SRBD1: variants seen among roughly 807,000 people sequenced by gnomAD.
SRBD1 encodes the protein S1 RNA-binding domain-containing protein 1.
Under a neutral mutation model 115.3 loss-of-function variants are expected in SRBD1, and 88 were observed. That is an observed-to-expected ratio of 0.76 (90% CI 0.64 to 0.91). The LOEUF (loss-of-function observed/expected upper bound fraction) is 0.91, where lower values mean the gene tolerates loss of function less well. Among genes scored for constraint, SRBD1 ranks in the 40% least tolerant of loss-of-function variants. The probability of loss-of-function intolerance (pLI) is 0.00; values close to 1 mark genes in which losing one functional copy is unlikely to be tolerated. For missense variants in SRBD1, 1,385 were observed against 1,177.4 expected, an observed-to-expected ratio of 1.18 and a Z score of -2.58; for synonymous variants, 509 against 407.7, an observed-to-expected ratio of 1.25 and a Z score of -2.99.
At chr2:45,442,375 A>G (rs907754018) in intron 16 of SRBD1, among the ~76,000 whole-genome samples, 1 of 152,206 alleles carries the variant, frequency 6.6e-6, no homozygotes, top group East Asian at 1.9e-4. Flanking sequence ...TTTAGACATA[A>G]TCTTTTCTTT....
intron 18 of SRBD1, among the ~76,000 whole-genome samples, chr2:45,417,801 T>C (rs557911236): frequency 6.6e-6 from 1 of 152,314 alleles, no homozygotes; most frequent in African/African-American, 2.4e-5. Context: ...GCTATGTCAG[T>C]ATAAAGTGGT....
intron 15 of SRBD1, among the ~76,000 whole-genome samples, chr2:45,478,875 C>T (rs1669879610): frequency 6.6e-6 from 1 of 152,200 alleles, no homozygotes; most frequent in Non-Finnish European, 1.5e-5. Context: ...TCAGACACCA[C>T]ATTTCTTCCA....
intron 19 of SRBD1, 146 bp downstream of exon 19, chr2:45,412,968 C>T (rs1288635446): frequency 1.2e-6 from 1 of 847,328 alleles, no homozygotes; most frequent in Non-Finnish European, 1.8e-6. Flanking sequence ...TAATGTGCCA[C>T]ATAACTCAGC....
intron 12 of SRBD1, among the ~76,000 whole-genome samples, chr2:45,548,567 C>A (rs970479241): frequency 6.6e-6 from 1 of 151,880 alleles, no homozygotes; most frequent in Non-Finnish European, 1.5e-5. Context: ...TAACTGAAAA[C>A]TGATCTAACA....
intron 7 of SRBD1, among the ~76,000 whole-genome samples, chr2:45,576,860 A>G (rs950597141): frequency 5.3e-5 from 8 of 152,258 alleles, no homozygotes; most frequent in Admixed American, 2.6e-4. Context: ...TAGACTTTGC[A>G]ATAAGAAAGG....
intron 16 of SRBD1, among the ~76,000 whole-genome samples, chr2:45,441,025 C>A (rs1055500879): frequency 1.3e-5 from 2 of 152,174 alleles, no homozygotes; most frequent in East Asian, 1.9e-4. Context: ...TCTAAAGATA[C>A]ATTTTCTCTT....
At chr2:45,610,957 T>C (rs934807285) in intron 1 of SRBD1, among the ~76,000 whole-genome samples, 40 of 150,700 alleles carry the variant, frequency 2.7e-4, no homozygotes, top group Admixed American at 2.3e-3. Context: ...TTGCCCAGGC[T>C]TTTCTATGTC....
Position 45,402,201 on chromosome 2 carries a change from C to T in SRBD1, c.2514-9072G>A, listed in dbSNP as rs909338919. The stretch of plus-strand genomic sequence containing the variant: ...ATCTTTATATTCATTTATCTCATGA[C>T]GGAATCCTTGTGTATCTGTTGGGTT... On this transcript the variant is annotated intron_variant, in intron 19 of 20. Transcript: ENST00000263736. Among the ~76,000 whole-genome samples, 6 of 152,120 alleles carry T rather than the reference C, an allele frequency of 3.9e-5. No individual in the cohort carries two copies. In the East Asian group the frequency reaches 5.8e-4, roughly 15 times the overall value.
chr2:45,460,006 T>C (rs1040209102), intron 16 of SRBD1, among the ~76,000 whole-genome samples: 3 of 152,208 alleles, frequency 2.0e-5, no homozygotes, highest in Admixed American at 6.5e-5. Context: ...AGCATAGTTA[T>C]GTGCCCAAGG....
At chr2:45,481,230 A>G (rs1210060698) in intron 15 of SRBD1, among the ~76,000 whole-genome samples, 2 of 152,166 alleles carry the variant, frequency 1.3e-5, no homozygotes, top group African/African-American at 4.8e-5. Context: ...GTCATGCGAC[A>G]TTTTTATAAC....
At chr2:45,608,775 A>G (rs539018547) in intron 1 of SRBD1, among the ~76,000 whole-genome samples, 30 of 152,072 alleles carry the variant, frequency 2.0e-4, no homozygotes, top group Non-Finnish European at 3.4e-4. Context: ...TCCCATCTCA[A>G]TAAGTGGCAC....
At chr2:45,597,360 C>T (rs908292255) in intron 4 of SRBD1, among the ~76,000 whole-genome samples, 1 of 150,514 alleles carries the variant, frequency 6.6e-6, no homozygotes, top group African/African-American at 2.5e-5. Context: ...GCAGAGGTTG[C>T]AGTGAGCCAA....
intron 1 of SRBD1, among the ~76,000 whole-genome samples, chr2:45,605,929 A>G (rs1016365092): frequency 6.6e-6 from 1 of 151,612 alleles, no homozygotes; most frequent in African/African-American, 2.4e-5. Flanking sequence ...AGAAAAAAAA[A>G]GAGTAGCTAA....
intron 6 of SRBD1, 100 bp downstream of exon 6, chr2:45,581,593 A>G (rs1275835911): frequency 1.3e-6 from 1 of 788,888 alleles, no homozygotes; most frequent in African/African-American, 1.7e-5. Context: ...ATGGTGGCTA[A>G]TGACGTTAGC....
At chr2:45,483,649 T>A (rs531104884) in intron 15 of SRBD1, among the ~76,000 whole-genome samples, 1 of 152,242 alleles carries the variant, frequency 6.6e-6, no homozygotes, top group African/African-American at 2.4e-5. Context: ...TATCTAGCAA[T>A]ATTAGATATC....
At chr2:45,505,488 A>G (rs1275045515) in intron 14 of SRBD1, among the ~76,000 whole-genome samples, 1 of 152,216 alleles carries the variant, frequency 6.6e-6, no homozygotes, top group Non-Finnish European at 1.5e-5. Context: ...AGCTGAGCAC[A>G]ATGGCACCTG....
At position 45,488,292 on chromosome 2, in the gene SRBD1, G is replaced by T; in HGVS notation, c.1914C>A (p.Ser638Arg). The T allele has an allele frequency of 6.2e-7, 1 of 1,613,850 alleles. No homozygotes were observed. Among genetic ancestry groups the T allele is most frequent in the Non-Finnish European group, 8.5e-7 (1 of 1,179,930 alleles). ...CTGGCATCTCTTTGTTAGCTTCAGG[G>T]CTGACACTGTAGATTGATGCTCCTG... ...SEAGASIYSV[S>R]PEANKEMPGL... is the part of the protein sequence containing the mutation. Residue 638 changes from serine (S) to arginine (R), a missense_variant, in exon 15 of 21, where the codon AGC becomes AGA. Coordinates refer to ENST00000263736, the MANE Select transcript of SRBD1 (RefSeq NM_018079.5).
At position 45,547,563 on chromosome 2, in the gene SRBD1, G is replaced by A. The variant is rs1342479121; in HGVS notation, c.1725C>T (p.Phe575=). ...GTGTCTTTATTTTCTCCGCCTCTCG[G>A]AAGCCTTGTCCACAATGCAAGTAAA... The part of the protein sequence containing the change: ...DVVYLHCGQG[F]REAEKIKTLL... Residue 575 remains phenylalanine, a synonymous_variant, in exon 13 of 21, where the codon TTC becomes TTT. Transcript: ENST00000263736. 19 of 1,613,508 alleles carry A rather than the reference G, an allele frequency of 1.2e-5. No homozygotes were observed. Among genetic ancestry groups the A allele is most frequent in the Non-Finnish European group, 1.6e-5 (19 of 1,179,752 alleles).
rs750613011 is a variant in SRBD1 at position 45,605,361 on chromosome 2, C to T, written c.80+1G>A. On this transcript the variant is annotated splice_donor_variant, in intron 2 of 20. Coordinates refer to ENST00000263736, the MANE Select transcript of SRBD1 (RefSeq NM_018079.5). LOFTEE classifies it high-confidence loss of function. ...CCCACATATTAAACCAGTATGCTTA[C>T]AACTCAGAGAATGAAGAAAATTCAT... The T allele has an allele frequency of 3.1e-6, 5 of 1,612,610 alleles. No individual in the cohort carries two copies. Among genetic ancestry groups the T allele is most frequent in the Non-Finnish European group, 1.7e-6 (2 of 1,179,512 alleles).
Sources: allele counts gnomAD v4.1 joint callset (sites outside exome capture counted in the v4.1 genomes callset), GRCh38; gene constraint gnomAD v4.1.1; transcripts MANE v1.5; gene names NCBI Gene and HGNC (gene_info 2026-07-23, HGNC 2026-07-21).